Variants in PPP3R1 observed in about 807,000 individuals in gnomAD.
The protein encoded by PPP3R1 is calcineurin subunit B type 1.
In PPP3R1, 5 loss-of-function variants were observed where a neutral mutation model predicts 22.6. The observed-to-expected ratio is 0.22, with a 90% confidence interval of 0.12 to 0.46. The LOEUF (loss-of-function observed/expected upper bound fraction) is 0.46, where lower values mean the gene tolerates loss of function less well. Among genes scored for constraint, PPP3R1 ranks in the 20% least tolerant of loss-of-function variants. The pLI is 0.99. For synonymous variants in PPP3R1, 56 were observed against 65.2 expected, an observed-to-expected ratio of 0.86 and a Z score of 0.68; for missense variants, 61 against 203.2, an observed-to-expected ratio of 0.30 and a Z score of 4.25.
At chr2:68,210,220 C>T (rs901065625) in intron 2 of PPP3R1, among the ~76,000 whole-genome samples, 1 of 152,142 alleles carries the variant, frequency 6.6e-6, no homozygotes, top group African/African-American at 2.4e-5. Context: ...CTCCTCTTTC[C>T]CAACCATTGT....
At chr2:68,221,182 T>G (rs555308214) in intron 1 of PPP3R1, among the ~76,000 whole-genome samples, 3 of 152,030 alleles carry the variant, frequency 2.0e-5, no homozygotes, top group South Asian at 4.2e-4. Context: ...AATACAAAAA[T>G]TAGCTGGGCA....
intron 2 of PPP3R1, among the ~76,000 whole-genome samples, chr2:68,214,251 C>A (rs1265476620): frequency 6.6e-6 from 1 of 152,024 alleles, no homozygotes; most frequent in Non-Finnish European, 1.5e-5. Context: ...GACAAAGACG[C>A]CAAAAGCAAT....
In PPP3R1 at chr2:68,227,421, G is replaced by A. The variant is rs574385052; in HGVS notation, c.4-10290C>T. On this transcript the variant is annotated intron_variant, in intron 1 of 5. Coordinates refer to ENST00000234310, the MANE Select transcript of PPP3R1 (RefSeq NM_000945.4). ...TAGGGTAAAGTCACTGACCATCTTAGTAACTGTTCTAGAACAGATTCTCCT... is the reference window on the plus strand; with the variant it reads ...TAGGGTAAAGTCACTGACCATCTTAATAACTGTTCTAGAACAGATTCTCCT... 1.1e-3 allele frequency among the ~76,000 whole-genome samples: 166 copies of A among 152,010 alleles called. 3 individuals are homozygous for A. The East Asian group carries it at 0.028, about 25-fold the overall frequency.
At chr2:68,217,219 T>A (rs1325241102) in intron 1 of PPP3R1, 88 bp from the exon 2 acceptor site, 3 of 918,954 alleles carry the variant, frequency 3.3e-6, no homozygotes, top group Non-Finnish European at 5.1e-6. Flanking sequence ...TCAAAAAACA[T>A]AGGGAAATAA....
intron 2 of PPP3R1, among the ~76,000 whole-genome samples, chr2:68,197,614 C>T (rs114971230): frequency 0.025 from 3,869 of 152,136 alleles, 149 homozygotes; most frequent in African/African-American, 0.085. Flanking sequence ...CACATCCTTG[C>T]TAACAAGTGG....
In PPP3R1 at chr2:68,232,217, GTA is replaced by G. The variant is rs1491063798; in HGVS notation, c.4-15088_4-15087del. Among the ~76,000 whole-genome samples the G allele has an allele frequency of 2.0e-3, 54 of 27,590 alleles. 1 individual carries two copies. Among genetic ancestry groups the G allele is most frequent in the African/African-American group, 3.1e-3 (6 of 1,936 alleles). The allele number at this position is 27,590 out of a possible 152,430, so 18.1% of individuals were successfully genotyped here. Reference sequence around the variant, plus strand: ...TACATATTATATACATATTGTATATGTATATATGTGTGTGTGTGTGTGTGTGT... The same window carrying G: ...TACATATTATATACATATTGTATATGTATATGTGTGTGTGTGTGTGTGTGT... On this transcript the variant is annotated intron_variant, in intron 1 of 5. Transcript: ENST00000234310.
At chr2:68,198,283 A>G (rs1399671943) in intron 2 of PPP3R1, among the ~76,000 whole-genome samples, 2 of 145,544 alleles carry the variant, frequency 1.4e-5, no homozygotes, top group Non-Finnish European at 3.0e-5. Flanking sequence ...GTATGCATGT[A>G]TGTGTATACA....
At chr2:68,198,211 C>CAT (rs759111713) in intron 2 of PPP3R1, among the ~76,000 whole-genome samples, 2 of 135,620 alleles carry the variant, frequency 1.5e-5, no homozygotes, top group African/African-American at 5.5e-5. Context: ...TATGTGCATA[C>CAT]ATATATACAT....
intron 5 of PPP3R1, among the ~76,000 whole-genome samples, chr2:68,182,645 G>A (rs1674438654): frequency 8.2e-6 from 1 of 121,452 alleles, no homozygotes; most frequent in African/African-American, 3.6e-5. Context: ...GTGAAACCAG[G>A]TCTCTAATAC....
intron 1 of PPP3R1, among the ~76,000 whole-genome samples, chr2:68,229,145 A>T (rs1669841396): frequency 6.6e-6 from 1 of 151,814 alleles, no homozygotes; most frequent in South Asian, 2.1e-4. Flanking sequence ...TCATCCACTC[A>T]ACTACAGGCA....
intron 1 of PPP3R1, among the ~76,000 whole-genome samples, chr2:68,248,597 G>A (rs1670280859): frequency 6.6e-6 from 1 of 152,144 alleles, no homozygotes; most frequent in South Asian, 2.1e-4. Context: ...TTGTTCCAGG[G>A]TGGGGCCTGA....
chr2:68,198,919 C>T (rs115132375), intron 2 of PPP3R1, among the ~76,000 whole-genome samples: 2,303 of 152,180 alleles, frequency 0.015, 53 homozygotes, highest in African/African-American at 0.053. Flanking sequence ...GAGTATTTTA[C>T]AATTTTACTC....
intron 2 of PPP3R1, among the ~76,000 whole-genome samples, chr2:68,215,367 T>C (rs1160513628): frequency 2.6e-5 from 4 of 152,148 alleles, no homozygotes; most frequent in Admixed American, 2.0e-4. Flanking sequence ...GGTCTCAAGA[T>C]TTTTGGATAA....
intron 1 of PPP3R1, among the ~76,000 whole-genome samples, chr2:68,234,061 AGGCCGGGCACGGTGGCTCACG>A (rs1558642105): frequency 1.3e-5 from 2 of 152,182 alleles, no homozygotes; most frequent in Admixed American, 1.3e-4. Context: ...AAGAAGCTTA[AGGCCGGGCACGGTGGCTCACG>A]CCTGTAATCC....
chr2:68,236,853 ACCT>A (rs1419244976), intron 1 of PPP3R1, among the ~76,000 whole-genome samples: 1 of 151,564 alleles, frequency 6.6e-6, no homozygotes, highest in African/African-American at 2.4e-5. Context: ...CTAAGGAAAA[ACCT>A]CCTATGAGAC....
chr2:68,234,902 T>C (rs1669989857), intron 1 of PPP3R1, among the ~76,000 whole-genome samples: 2 of 152,294 alleles, frequency 1.3e-5, no homozygotes, highest in South Asian at 2.1e-4. Context: ...TAAGATACCA[T>C]ATTGACTATG....
At chr2:68,213,487 C>T (rs887107234) in intron 2 of PPP3R1, among the ~76,000 whole-genome samples, 3 of 152,086 alleles carry the variant, frequency 2.0e-5, no homozygotes, top group Non-Finnish European at 4.4e-5. Flanking sequence ...ACATGGACAC[C>T]GTTCATGCTG....
chr2:68,222,776 C>T (rs1669710807), intron 1 of PPP3R1, among the ~76,000 whole-genome samples: 1 of 152,084 alleles, frequency 6.6e-6, no homozygotes, highest in Non-Finnish European at 1.5e-5. Context: ...ATATGTATCT[C>T]CTACTGGTTA....
At chr2:68,185,436 CTTA>C (rs892838957) in intron 5 of PPP3R1, among the ~76,000 whole-genome samples, 1 of 130,280 alleles carries the variant, frequency 7.7e-6, no homozygotes, top group Non-Finnish European at 1.7e-5. Context: ...ATTTATATTT[CTTA>C]TATTTATATT....
Sources: gnomAD v4.1 joint callset for allele counts (sites outside exome capture counted in the v4.1 genomes callset) on GRCh38, gnomAD v4.1.1 for gene constraint, MANE v1.5 for transcripts, NCBI Gene and HGNC (gene_info 2026-07-23, HGNC 2026-07-21) for gene names.